The following RAB10 variants were observed in gnomAD, a reference collection of about 807,000 sequenced individuals.
RAB10 encodes the protein ras-related protein Rab-10.
Under a neutral mutation model 25.7 loss-of-function variants are expected in RAB10, and 5 were observed. The observed-to-expected ratio is 0.19, with a 90% CI of 0.10 to 0.41. The LOEUF is 0.41. Among genes scored for constraint, RAB10 ranks in the 10% least tolerant of loss-of-function variants. The probability of loss-of-function intolerance (pLI) is 1.00; values close to 1 mark genes in which losing one functional copy is unlikely to be tolerated. For synonymous variants in RAB10, 89 were observed against 86.4 expected (o/e 1.03, Z -0.16); for missense variants, 103 against 245.8 (o/e 0.42, Z 3.89).
chr2:26,084,566 A>C (rs1176098346), intron 1 of RAB10, among the ~76,000 whole-genome samples: 1 of 152,212 alleles, frequency 6.6e-6, no homozygotes, highest in East Asian at 1.9e-4. Context: ...TACCAAGTAC[A>C]TTATTATTAC....
At chr2:26,079,322 C>CA (rs35015455) in intron 1 of RAB10, among the ~76,000 whole-genome samples, 1 of 91,352 alleles carries the variant, frequency 1.1e-5, no homozygotes, top group Middle Eastern at 4.8e-3. Flanking sequence ...CACACACACA[C>CA]AAACACACAC....
chr2:26,126,149 C>T (rs1368039712), intron 3 of RAB10, among the ~76,000 whole-genome samples: 5 of 152,088 alleles, frequency 3.3e-5, no homozygotes, highest in Non-Finnish European at 7.4e-5. Flanking sequence ...GCATCCTTGT[C>T]GAGGGTCATT....
intron 1 of RAB10, among the ~76,000 whole-genome samples, chr2:26,087,651 G>T (rs974899156): frequency 6.6e-6 from 1 of 152,070 alleles, no homozygotes; most frequent in African/African-American, 2.4e-5. Flanking sequence ...ATCTGCCCAC[G>T]TTGGTCTCCC....
At position 26,136,875 on chromosome 2, in the gene RAB10, A is replaced by G. The variant is rs2149292392; in HGVS notation, c.*1854A>G. On this transcript the variant is annotated 3_prime_UTR_variant, in exon 6 of 6. Coordinates refer to ENST00000264710, the MANE Select transcript of RAB10 (RefSeq NM_016131.5). ...GACTTTATCATTGTTTACTACTAGT[A>G]AAAAGCAGCATTGCCAAATAATCCC... 1 of 152,698 alleles carries G rather than the reference A, an allele frequency of 6.5e-6. No homozygotes were observed. The highest frequency in any genetic ancestry group is 2.4e-5 in the African/African-American group (1 of 41,582). The allele number at this position is 152,698 out of a possible 1,614,324, so 9.5% of individuals were successfully genotyped here.
intron 3 of RAB10, among the ~76,000 whole-genome samples, chr2:26,112,429 T>C (rs1239920295): frequency 6.6e-6 from 1 of 152,182 alleles, no homozygotes; most frequent in East Asian, 1.9e-4. Context: ...CAAAAGAATC[T>C]TGTTATGAAT....
intron 3 of RAB10, 111 bp downstream of exon 3, chr2:26,110,017 T>C (rs898921327): frequency 6.8e-6 from 8 of 1,177,768 alleles, no homozygotes; most frequent in Non-Finnish European, 7.9e-6. Context: ...TTGAAGTCAT[T>C]ATTATTGAAG....
intron 3 of RAB10, among the ~76,000 whole-genome samples, chr2:26,124,732 C>G (rs1413764816): frequency 6.6e-6 from 1 of 152,048 alleles, no homozygotes; most frequent in African/African-American, 2.4e-5. Flanking sequence ...TTTCTGAACT[C>G]AAGCTTTGCA....
rs183197618 is a variant in RAB10 at position 26,084,286 on chromosome 2, T to C, written c.128-14376T>C. Reference sequence around the variant, plus strand: ...TATTACTAACATCAGAGATTTGAAATTGGGGGGAATGGGTAATACCCTTTC... The same window carrying C: ...TATTACTAACATCAGAGATTTGAAACTGGGGGGAATGGGTAATACCCTTTC... On this transcript the variant is annotated intron_variant, in intron 1 of 5. Coordinates refer to ENST00000264710, the MANE Select transcript of RAB10 (RefSeq NM_016131.5). Among the ~76,000 whole-genome samples the C allele has an allele frequency of 4.2e-3, 640 of 152,318 alleles. 3 individuals carry two copies. The highest frequency in any genetic ancestry group is 0.015 in the African/African-American group (618 of 41,554).
chr2:26,041,324 A>G (rs1212457104), intron 1 of RAB10, among the ~76,000 whole-genome samples: 1 of 150,418 alleles, frequency 6.6e-6, no homozygotes, highest in East Asian at 2.0e-4. Context: ...GTGGATCACC[A>G]GAGGTCAGGA....
At chr2:26,128,426 A>ACT (rs1212418238) in intron 5 of RAB10, among the ~76,000 whole-genome samples, 37 of 152,304 alleles carry the variant, frequency 2.4e-4, no homozygotes, top group Admixed American at 4.6e-4. Flanking sequence ...AACTGGGGAA[A>ACT]CAGAAAGCCA....
At chr2:26,057,343 T>C (rs1666290966) in intron 1 of RAB10, among the ~76,000 whole-genome samples, 1 of 151,714 alleles carries the variant, frequency 6.6e-6, no homozygotes, top group Non-Finnish European at 1.5e-5. Flanking sequence ...GCAGGAGGAT[T>C]GCTTGAGCCC....
chr2:26,065,914 T>C (rs531610673), intron 1 of RAB10, among the ~76,000 whole-genome samples: 1 of 152,354 alleles, frequency 6.6e-6, no homozygotes, highest in South Asian at 2.1e-4. Flanking sequence ...TTTTATCCTT[T>C]TTTTGTTTTA....
intron 5 of RAB10, among the ~76,000 whole-genome samples, chr2:26,129,721 C>G (rs1235726345): frequency 6.6e-6 from 1 of 152,070 alleles, no homozygotes; most frequent in Non-Finnish European, 1.5e-5. Context: ...AAATTGGTGC[C>G]CTTTTGAGTC....
At chr2:26,052,289 TG>T (rs1297037570) in intron 1 of RAB10, among the ~76,000 whole-genome samples, 4 of 151,230 alleles carry the variant, frequency 2.6e-5, no homozygotes, top group African/African-American at 9.7e-5. Flanking sequence ...GGGAGGCAGA[TG>T]TAGGTAGACT....
chr2:26,109,518 A>G (rs1667530784), intron 2 of RAB10, among the ~76,000 whole-genome samples: 1 of 152,216 alleles, frequency 6.6e-6, no homozygotes, highest in African/African-American at 2.4e-5. Flanking sequence ...ATGGAACTAA[A>G]TTATTAAATA....
intron 1 of RAB10, among the ~76,000 whole-genome samples, chr2:26,079,145 C>G (rs1666805304): frequency 6.6e-6 from 1 of 152,088 alleles, no homozygotes; most frequent in Non-Finnish European, 1.5e-5. Context: ...TGAGATTGTG[C>G]CATTACACTC....
chr2:26,060,858 G>T (rs185547779), intron 1 of RAB10, among the ~76,000 whole-genome samples: 1 of 152,002 alleles, frequency 6.6e-6, no homozygotes, highest in East Asian at 1.9e-4. Flanking sequence ...CTGCTGGCCC[G>T]ACTTAAATGT....
chr2:26,038,238 T>A (rs1198126059), intron 1 of RAB10, among the ~76,000 whole-genome samples: 1 of 147,644 alleles, frequency 6.8e-6, no homozygotes, highest in Non-Finnish European at 1.5e-5. Flanking sequence ...CTTTTGTTGC[T>A]CAGGCTGGAG....
intron 1 of RAB10, among the ~76,000 whole-genome samples, chr2:26,064,497 GA>G (rs200163734): frequency 8.6e-5 from 13 of 150,866 alleles, no homozygotes; most frequent in South Asian, 2.1e-4. Context: ...AATTTTTTGG[GA>G]AAAAAAAATT....
Sources: allele counts gnomAD v4.1 joint callset (sites outside exome capture counted in the v4.1 genomes callset), GRCh38; gene constraint gnomAD v4.1.1; transcripts MANE v1.5; gene names NCBI Gene and HGNC (gene_info 2026-07-23, HGNC 2026-07-21).